Variants in ZMYM2 observed in about 807,000 individuals in gnomAD.
ZMYM2 encodes zinc finger MYM-type protein 2.
Under a neutral mutation model 162.8 loss-of-function variants are expected in ZMYM2, and 56 were observed. The observed-to-expected ratio is 0.34, with a 90% CI of 0.28 to 0.43. The LOEUF (loss-of-function observed/expected upper bound fraction) is 0.43. Ranked by LOEUF, ZMYM2 falls within the 20% of genes least tolerant of loss-of-function variation. The probability of loss-of-function intolerance (pLI) is 1.00; values close to 1 mark genes in which losing one functional copy is unlikely to be tolerated. For synonymous variants in ZMYM2, 510 were observed against 541.6 expected, an observed-to-expected ratio of 0.94 and a Z score of 0.81; for missense variants, 1,275 against 1,621.8, an observed-to-expected ratio of 0.79 and a Z score of 3.67.
chr13:20,006,960 A>G (rs1950790189), intron 6 of ZMYM2, among the ~76,000 whole-genome samples: 1 of 152,228 alleles, frequency 6.6e-6, no homozygotes, highest in Admixed American at 6.5e-5. Flanking sequence ...CTGTGTATGT[A>G]GATTATTGGC....
chr13:20,029,669 G>A (rs1952901957), intron 9 of ZMYM2, among the ~76,000 whole-genome samples: 1 of 152,070 alleles, frequency 6.6e-6, no homozygotes, highest in Non-Finnish European at 1.5e-5. Flanking sequence ...CATGCATTAA[G>A]ATTATATGTA....
At chr13:19,913,367 G>A in the ZMYM2 span, among the ~76,000 whole-genome samples, 1,752 of 152,228 alleles carry the variant, frequency 0.012, 32 homozygotes, top group African/African-American at 0.033. Context: ...AAAGTTGGGC[G>A]TGTACAGCAG....
At chr13:20,009,598 A>G (rs1951014179) in intron 6 of ZMYM2, among the ~76,000 whole-genome samples, 1 of 152,202 alleles carries the variant, frequency 6.6e-6, no homozygotes, top group Non-Finnish European at 1.5e-5. Context: ...GTAACTTAGT[A>G]CTTTCTGTCT....
chr13:19,904,185 C>T, the ZMYM2 span, among the ~76,000 whole-genome samples: 1 of 93,444 alleles, frequency 1.1e-5, no homozygotes, highest in African/African-American at 2.7e-5. Context: ...TTATGTAGTT[C>T]AACACATTTT....
At chr13:20,007,302 A>C (rs922093628) in intron 6 of ZMYM2, among the ~76,000 whole-genome samples, 6 of 151,692 alleles carry the variant, frequency 4.0e-5, no homozygotes, top group Admixed American at 3.9e-4. Context: ...CACCCGGCTA[A>C]TTTTTTGTAT....
intron 16 of ZMYM2, 100 bp from the exon 17 acceptor site, chr13:20,060,953 G>A: frequency 8.8e-7 from 1 of 1,131,890 alleles, no homozygotes. Context: ...TTTATCCAGT[G>A]TGATATTACA....
Position 20,067,059 on chromosome 13 carries a change from A to G in ZMYM2, c.3301+40A>G, listed in dbSNP as rs758757372. On this transcript the variant is annotated intron_variant, in intron 20 of 24. Transcript: ENST00000610343. The stretch of plus-strand genomic sequence containing the variant: ...TTTGTTTCTCCTAAGTCCTATTTAA[A>G]ATCAAGATTTCTGTTATTGAGTACC... The G allele has an allele frequency of 3.7e-5, 57 of 1,529,810 alleles. 2 individuals carry two copies. The South Asian group carries it at 7.0e-4, about 19-fold the overall frequency. The allele number at this position is 1,529,810 out of a possible 1,614,324, so 94.8% of individuals were successfully genotyped here. A position where few individuals can be genotyped will look rare whatever the true frequency, so the allele number is the denominator to read the frequency against.
At chr13:19,986,031 T>TA (rs1949104508) in intron 2 of ZMYM2, among the ~76,000 whole-genome samples, 1 of 150,928 alleles carries the variant, frequency 6.6e-6, no homozygotes, top group African/African-American at 2.4e-5. Flanking sequence ...TGCAAAAAAA[T>TA]ACAAAAAAAT....
chr13:19,872,830 G>A, the ZMYM2 span, among the ~76,000 whole-genome samples: 2 of 151,564 alleles, frequency 1.3e-5, no homozygotes, highest in East Asian at 2.0e-4. Context: ...GAAACACCCC[G>A]TCTGCCTAAA....
intron 7 of ZMYM2, among the ~76,000 whole-genome samples, chr13:20,020,409 T>C (rs1237088648): frequency 1.3e-5 from 2 of 152,002 alleles, no homozygotes; most frequent in Non-Finnish European, 2.9e-5. Context: ...TAATTTTGTA[T>C]TTTTTTAGTA....
At chr13:19,995,282 G>T (rs1292446978) in intron 3 of ZMYM2, among the ~76,000 whole-genome samples, 1 of 151,964 alleles carries the variant, frequency 6.6e-6, no homozygotes, top group African/African-American at 2.4e-5. Context: ...TATATTTAAT[G>T]TCTACAACTC....
chr13:19,937,085 T>G, the ZMYM2 span, among the ~76,000 whole-genome samples: 1 of 152,040 alleles, frequency 6.6e-6, no homozygotes, highest in Non-Finnish European at 1.5e-5. Flanking sequence ...ATAATTAAAT[T>G]TAAAAAATCA....
chr13:19,981,965 C>T (rs760201572), intron 2 of ZMYM2, among the ~76,000 whole-genome samples: 2 of 152,156 alleles, frequency 1.3e-5, no homozygotes, highest in Non-Finnish European at 2.9e-5. Context: ...GGGAAATCTC[C>T]ATTCTTGGGT....
chr13:19,976,326 CAAAA>C (rs1180338588), intron 2 of ZMYM2, among the ~76,000 whole-genome samples: 60 of 103,468 alleles, frequency 5.8e-4, no homozygotes, highest in African/African-American at 1.0e-3. Flanking sequence ...GACTGCACCT[CAAAA>C]AAAAAAAAAG....
the ZMYM2 span, among the ~76,000 whole-genome samples, chr13:19,938,723 C>CTT: frequency 2.1e-5 from 3 of 144,616 alleles, no homozygotes; most frequent in Admixed American, 1.4e-4. Context: ...CAAAATAGAC[C>CTT]TTTTTTTTTT....
intron 14 of ZMYM2, among the ~76,000 whole-genome samples, chr13:20,054,107 G>A (rs1051508270): frequency 2.6e-5 from 4 of 152,198 alleles, no homozygotes; most frequent in African/African-American, 9.6e-5. Flanking sequence ...GTCATATAAA[G>A]TCCTCTCCCA....
the ZMYM2 span, among the ~76,000 whole-genome samples, chr13:19,867,925 C>T: frequency 6.6e-6 from 1 of 152,246 alleles, no homozygotes; most frequent in Admixed American, 6.5e-5. Context: ...TGCACCCAGC[C>T]TGAAACCAGT....
At chr13:20,070,264 AC>A in intron 21 of ZMYM2, 2 of 168,048 alleles carry the variant, frequency 1.2e-5, no homozygotes, top group Non-Finnish European at 2.7e-5. Flanking sequence ...AAAAGTATTC[AC>A]CACTAGCCAG....
At chr13:19,865,608 C>T in the ZMYM2 span, among the ~76,000 whole-genome samples, 2 of 152,190 alleles carry the variant, frequency 1.3e-5, no homozygotes, top group Non-Finnish European at 2.9e-5. Context: ...CTGACAGAAA[C>T]TTTAAATGGT....
Sources: allele counts gnomAD v4.1 joint callset (sites outside exome capture counted in the v4.1 genomes callset), GRCh38; gene constraint gnomAD v4.1.1; transcripts MANE v1.5; gene names NCBI Gene and HGNC (gene_info 2026-07-23, HGNC 2026-07-21).